The following STOX1 variants were observed in gnomAD, a reference collection of about 807,000 sequenced individuals.
The protein encoded by STOX1 is storkhead-box protein 1.
In STOX1, 57 loss-of-function variants were observed where a neutral mutation model predicts 74.8. The observed-to-expected ratio is 0.76, with a 90% CI of 0.62 to 0.95. STOX1 has a LOEUF of 0.95. Among genes scored for constraint, STOX1 ranks in the 40% least tolerant of loss-of-function variants. The pLI, the probability that STOX1 is intolerant of heterozygous loss-of-function variation, is 0.00. For missense variants in STOX1, 1,010 were observed against 1,117.0 expected (o/e 0.90, Z 1.37); for synonymous variants, 375 against 401.3 (o/e 0.93, Z 0.78).
At chr10:68,859,150 C>T (rs1316922179) in intron 1 of STOX1, among the ~76,000 whole-genome samples, 1 of 152,084 alleles carries the variant, frequency 6.6e-6, no homozygotes, top group Non-Finnish European at 1.5e-5. Context: ...CCTCTAAGTT[C>T]TGAGCTAATC....
chr10:68,841,798 G>A (rs1226302760), intron 1 of STOX1, among the ~76,000 whole-genome samples: 3 of 152,158 alleles, frequency 2.0e-5, no homozygotes. Context: ...TACCAGCAAA[G>A]CCTGTTTTTG....
At chr10:68,854,932 A>G (rs955054188) in intron 1 of STOX1, among the ~76,000 whole-genome samples, 1 of 151,902 alleles carries the variant, frequency 6.6e-6, no homozygotes, top group African/African-American at 2.4e-5. Context: ...TAGCCAGACT[A>G]TCTCTACAAA....
At chr10:68,878,891 GC>G (rs1184167736) in intron 1 of STOX1, among the ~76,000 whole-genome samples, 3 of 152,118 alleles carry the variant, frequency 2.0e-5, no homozygotes, top group Non-Finnish European at 4.4e-5. Context: ...TCCCCATTCA[GC>G]CCCAGGATCA....
Position 68,887,593 on chromosome 10 carries a change from TTC to T in STOX1, c.2822+977_2822+978del, listed in dbSNP as rs1181850776. On this transcript the variant is annotated intron_variant, in intron 3 of 3. Transcript: ENST00000298596. ...CACTGCGCCCAGCCTAATATTTTCT[TTC>T]TTTTTTTTTTTTTTTTTTGAGGCAG... 4.7e-5 allele frequency among the ~76,000 whole-genome samples: 5 copies of T among 105,330 alleles called. No homozygotes were observed. The East Asian group carries it at 9.7e-4, about 20-fold the overall frequency. The allele number at this position is 105,330 out of a possible 152,430, so 69.1% of individuals were successfully genotyped here.
intron 1 of STOX1, chr10:68,828,381 T>C: frequency 2.4e-6 from 2 of 847,538 alleles, no homozygotes; most frequent in East Asian, 5.6e-5. Context: ...TAGGCGCTGC[T>C]CTGAGGGCCC....
intron 1 of STOX1, among the ~76,000 whole-genome samples, chr10:68,873,886 T>C (rs530670166): frequency 6.6e-6 from 1 of 151,196 alleles, no homozygotes; most frequent in Non-Finnish European, 1.5e-5. Context: ...CCTGACCTCG[T>C]GATCCACCCG....
intron 1 of STOX1, among the ~76,000 whole-genome samples, chr10:68,844,374 C>T (rs528535070): frequency 3.0e-4 from 43 of 144,742 alleles, no homozygotes; most frequent in African/African-American, 1.1e-3. Context: ...TCTTGGCTCA[C>T]TGCAACCTCT....
intron 1 of STOX1, among the ~76,000 whole-genome samples, chr10:68,855,900 G>A (rs1472286734): frequency 6.6e-6 from 1 of 152,062 alleles, no homozygotes; most frequent in African/African-American, 2.4e-5. Context: ...AAGCAGTCCT[G>A]CCCAATTCAT....
intron 1 of STOX1, among the ~76,000 whole-genome samples, chr10:68,864,391 AAC>A (rs1564579722): frequency 1.3e-5 from 2 of 152,232 alleles, no homozygotes; most frequent in Non-Finnish European, 2.9e-5. Context: ...CAAAAATTGA[AAC>A]AGTTTTGTGT....
At chr10:68,857,849 G>A (rs1278526225) in intron 1 of STOX1, among the ~76,000 whole-genome samples, 2 of 152,096 alleles carry the variant, frequency 1.3e-5, no homozygotes, top group African/African-American at 4.8e-5. Context: ...ATGAGGGTTG[G>A]TGAAGGGAGC....
At chr10:68,856,944 G>T (rs1408392984) in intron 1 of STOX1, among the ~76,000 whole-genome samples, 2 of 152,082 alleles carry the variant, frequency 1.3e-5, no homozygotes, top group Non-Finnish European at 2.9e-5. Flanking sequence ...GGTCTGTGCT[G>T]GTTCCCATAG....
At chr10:68,870,949 T>C (rs1840522310) in intron 1 of STOX1, among the ~76,000 whole-genome samples, 1 of 152,202 alleles carries the variant, frequency 6.6e-6, no homozygotes, top group South Asian at 2.1e-4. Context: ...TTCTGACCTA[T>C]AGACTGTGAG....
chr10:68,839,706 A>G (rs1042290430), intron 1 of STOX1, among the ~76,000 whole-genome samples: 1 of 152,196 alleles, frequency 6.6e-6, no homozygotes, highest in Admixed American at 6.5e-5. Context: ...CCTGGCCAAC[A>G]TGGCAAAACC....
At chr10:68,846,356 G>A (rs373246445) in intron 1 of STOX1, among the ~76,000 whole-genome samples, 29 of 151,554 alleles carry the variant, frequency 1.9e-4, no homozygotes, top group African/African-American at 5.8e-4. Context: ...CACCATGTTG[G>A]CCAGGCTGGT....
chr10:68,828,315 AG>A, intron 1 of STOX1: 2 of 1,123,878 alleles, frequency 1.8e-6, no homozygotes, highest in Non-Finnish European at 2.2e-6. Context: ...GCCAGCTGTG[AG>A]CGCGGAGCTC....
At chr10:68,858,694 G>A (rs762011789) in intron 1 of STOX1, among the ~76,000 whole-genome samples, 1 of 151,982 alleles carries the variant, frequency 6.6e-6, no homozygotes. Flanking sequence ...TGGGAGAGAG[G>A]GTGGGCAATG....
At position 68,887,721 on chromosome 10, in the gene STOX1, G is replaced by A. The variant is rs188105292; in HGVS notation, c.2822+1103G>A. Among the ~76,000 whole-genome samples, 146 of 150,578 alleles carry A rather than the reference G, an allele frequency of 9.7e-4. 3 individuals are homozygous for A. The East Asian group carries it at 0.026, about 27-fold the overall frequency. On this transcript the variant is annotated intron_variant, in intron 3 of 3. Coordinates refer to ENST00000298596, the MANE Select transcript of STOX1 (RefSeq NM_152709.5). Reference sequence around the variant, plus strand: ...CAATTCTCCCACTTTAGCCTCCCAAGTAGCTGGGATCACAGCCATGCACCA... The same window carrying A: ...CAATTCTCCCACTTTAGCCTCCCAAATAGCTGGGATCACAGCCATGCACCA...
chr10:68,887,732 C>G (rs1840998176), intron 3 of STOX1, among the ~76,000 whole-genome samples: 2 of 147,516 alleles, frequency 1.4e-5, no homozygotes, highest in Admixed American at 6.8e-5. Flanking sequence ...TAGCTGGGAT[C>G]ACAGCCATGC....
intron 1 of STOX1, among the ~76,000 whole-genome samples, chr10:68,880,183 GT>G (rs1840781630): frequency 1.5e-5 from 1 of 68,648 alleles, no homozygotes; most frequent in Non-Finnish European, 3.6e-5. Flanking sequence ...TTTTTTTTTT[GT>G]TTTTGTTTTG....
Sources: gnomAD v4.1 joint callset for allele counts (sites outside exome capture counted in the v4.1 genomes callset) on GRCh38, gnomAD v4.1.1 for gene constraint, MANE v1.5 for transcripts, NCBI Gene and HGNC (gene_info 2026-07-23, HGNC 2026-07-21) for gene names.